The following SCAI variants were observed in gnomAD, a reference collection of about 807,000 sequenced individuals.
The protein encoded by SCAI is protein SCAI.
In SCAI, 24 loss-of-function variants were observed where a neutral mutation model predicts 92.2. The ratio of observed to expected loss-of-function variants is 0.26; its 90% CI spans 0.19 to 0.37. The LOEUF is 0.37. Among genes scored for constraint, SCAI ranks in the 10% least tolerant of loss-of-function variants. The pLI, the probability that SCAI is intolerant of heterozygous loss-of-function variation, is 1.00. For synonymous variants in SCAI, 261 were observed against 258.6 expected (o/e 1.01, Z -0.09); for missense variants, 450 against 736.2 (o/e 0.61, Z 4.50).
chr9:125,044,291 A>G (rs1833391346), intron 3 of SCAI, among the ~76,000 whole-genome samples: 1 of 152,098 alleles, frequency 6.6e-6, no homozygotes, highest in Admixed American at 6.5e-5. Flanking sequence ...GTGGCCTCCC[A>G]TGGACCAATC....
rs192013537 is a variant in SCAI, at chr9:124,984,613, G to A, written c.1327-8427C>T. ...AAGTACGAAATCAAGGATTATGGCC[G>A]GGGCAACTATAATAGCATAGTAGCC... On this transcript the variant is annotated intron_variant, in intron 14 of 17. Transcript: ENST00000336505. Among the ~76,000 whole-genome samples, 30 of 152,216 alleles carry A rather than the reference G, an allele frequency of 2.0e-4. No homozygotes were observed. The East Asian group carries it at 4.1e-3, about 21-fold the overall frequency.
intron 2 of SCAI, among the ~76,000 whole-genome samples, chr9:125,104,281 A>C (rs530825316): frequency 8.5e-5 from 13 of 152,318 alleles, no homozygotes; most frequent in South Asian, 2.1e-4. Context: ...GAAAAACGAC[A>C]AAGGAGTGTC....
intron 2 of SCAI, among the ~76,000 whole-genome samples, chr9:125,104,737 C>G (rs1834741613): frequency 6.6e-6 from 1 of 151,278 alleles, no homozygotes; most frequent in South Asian, 2.1e-4. Context: ...CTCCATCTTT[C>G]TCAAAACCCT....
At chr9:125,092,608 GC>G (rs781557606) in intron 2 of SCAI, among the ~76,000 whole-genome samples, 9 of 152,130 alleles carry the variant, frequency 5.9e-5, no homozygotes, top group Non-Finnish European at 1.0e-4. Context: ...CTAAGGCCAA[GC>G]CCTCCATTCA....
chr9:125,035,091 A>G (rs2131097727), intron 3 of SCAI, among the ~76,000 whole-genome samples: 1 of 152,276 alleles, frequency 6.6e-6, no homozygotes, highest in Middle Eastern at 3.4e-3. Context: ...TGGTGGCTCA[A>G]TGCTTGCAAT....
intron 4 of SCAI, 110 bp downstream of exon 4, chr9:125,029,534 T>TG: frequency 3.6e-6 from 2 of 549,730 alleles, no homozygotes; most frequent in East Asian, 2.9e-5. Flanking sequence ...GCTTTGTTGG[T>TG]GAAAAAAAAG....
chr9:125,093,919 C>T (rs980765631), intron 2 of SCAI, among the ~76,000 whole-genome samples: 11 of 152,046 alleles, frequency 7.2e-5, no homozygotes, highest in African/African-American at 2.7e-4. Context: ...TTCCAGTCTC[C>T]ACTTTCTAAC....
chr9:124,999,250 G>A (rs1365297189), intron 13 of SCAI, among the ~76,000 whole-genome samples: 1 of 152,008 alleles, frequency 6.6e-6, no homozygotes, highest in Admixed American at 6.6e-5. Context: ...AGCCGGGCAT[G>A]GTGGCTGGTG....
intron 2 of SCAI, among the ~76,000 whole-genome samples, chr9:125,095,847 C>G (rs183845779): frequency 1.1e-3 from 169 of 152,198 alleles, no homozygotes; most frequent in African/African-American, 3.8e-3. Context: ...ATAGAAGGAG[C>G]CTGGATCTCT....
intron 2 of SCAI, among the ~76,000 whole-genome samples, chr9:125,093,801 T>C (rs1834491663): frequency 6.6e-6 from 1 of 152,016 alleles, no homozygotes; most frequent in Non-Finnish European, 1.5e-5. Context: ...CCTGACCTCA[T>C]GATCTGCCCT....
At chr9:125,115,527 C>T (rs1835027823) in intron 2 of SCAI, among the ~76,000 whole-genome samples, 1 of 151,944 alleles carries the variant, frequency 6.6e-6, no homozygotes, top group African/African-American at 2.4e-5. Flanking sequence ...TACCATGTAA[C>T]AGTTTAAATG....
chr9:124,995,490 A>ATT (rs561287345), intron 13 of SCAI, among the ~76,000 whole-genome samples: 37 of 147,602 alleles, frequency 2.5e-4, no homozygotes, highest in Admixed American at 1.1e-3. Context: ...TACTATCACT[A>ATT]TTTTTTTTTT....
At chr9:125,073,891 T>C (rs1834031615) in intron 2 of SCAI, among the ~76,000 whole-genome samples, 1 of 152,162 alleles carries the variant, frequency 6.6e-6, no homozygotes, top group South Asian at 2.1e-4. Context: ...TGCAGGCTTC[T>C]ATTCTTCCTA....
intron 7 of SCAI, among the ~76,000 whole-genome samples, 156 bp downstream of exon 7, chr9:125,020,517 A>T (rs1010445746): frequency 5.9e-5 from 9 of 152,150 alleles, no homozygotes; most frequent in African/African-American, 2.2e-4. Context: ...GAGTTGGAAA[A>T]TTTTTTTATC....
intron 2 of SCAI, among the ~76,000 whole-genome samples, chr9:125,122,904 C>T (rs1021714560): frequency 6.6e-6 from 1 of 152,108 alleles, no homozygotes; most frequent in African/African-American, 2.4e-5. Context: ...GAGACCCTGT[C>T]TCAAAAATAA....
intron 2 of SCAI, among the ~76,000 whole-genome samples, chr9:125,130,456 T>C (rs1835375076): frequency 6.6e-6 from 1 of 152,062 alleles, no homozygotes; most frequent in African/African-American, 2.4e-5. Context: ...AACAGGTGAA[T>C]TTCACCCTAT....
intron 2 of SCAI, among the ~76,000 whole-genome samples, chr9:125,072,674 A>G (rs1366644842): frequency 6.6e-6 from 1 of 152,174 alleles, no homozygotes; most frequent in South Asian, 2.1e-4. Flanking sequence ...TATACCCACT[A>G]CTTAATAACT....
chr9:125,085,082 T>C (rs1834299159), intron 2 of SCAI, among the ~76,000 whole-genome samples: 1 of 152,232 alleles, frequency 6.6e-6, no homozygotes, highest in Non-Finnish European at 1.5e-5. Flanking sequence ...CACTTTTTAT[T>C]ACTACCAATT....
chr9:125,054,594 G>A (rs1341627869), intron 3 of SCAI, among the ~76,000 whole-genome samples: 1 of 151,304 alleles, frequency 6.6e-6, no homozygotes, highest in Non-Finnish European at 1.5e-5. Flanking sequence ...ATAATCTATT[G>A]CAGGAAAATA....
Sources: gnomAD v4.1 joint callset for allele counts (sites outside exome capture counted in the v4.1 genomes callset) on GRCh38, gnomAD v4.1.1 for gene constraint, MANE v1.5 for transcripts, NCBI Gene and HGNC (gene_info 2026-07-23, HGNC 2026-07-21) for gene names.